UGT1A8: variants seen among roughly 807,000 people sequenced by gnomAD.
The protein encoded by UGT1A8 is UDP glucuronosyltransferase family 1 member A8.
UGT1A8 carries 39 observed loss-of-function variants against 45.3 expected under a neutral mutation model. That is an observed-to-expected ratio of 0.86 (90% CI 0.67 to 1.12). The LOEUF (loss-of-function observed/expected upper bound fraction) is 1.12. Ranked by LOEUF, UGT1A8 falls within the 50% of genes most tolerant of loss-of-function variation. The pLI, the probability that UGT1A8 is intolerant of heterozygous loss-of-function variation, is 0.00. For synonymous variants in UGT1A8, 275 were observed against 249.2 expected, an observed-to-expected ratio of 1.10 and a Z score of -0.97; for missense variants, 719 against 664.9, an observed-to-expected ratio of 1.08 and a Z score of -0.90.
chr2:233,672,170 C>T (rs1161640313), intron 1 of UGT1A8: 1 of 1,614,184 alleles, frequency 6.2e-7, no homozygotes, highest in Non-Finnish European at 8.5e-7. Flanking sequence ...ACTTATTCAA[C>T]TTCATATACC....
intron 1 of UGT1A8, among the ~76,000 whole-genome samples, chr2:233,625,867 C>T (rs1407265749): frequency 3.3e-5 from 5 of 151,828 alleles, no homozygotes; most frequent in Non-Finnish European, 7.4e-5. Flanking sequence ...AGCAATCATG[C>T]CCCAAACATC....
chr2:233,620,389 C>T (rs1184907378), intron 1 of UGT1A8, among the ~76,000 whole-genome samples: 2 of 152,134 alleles, frequency 1.3e-5, no homozygotes, highest in Admixed American at 1.3e-4. Flanking sequence ...ACCCTTTGGC[C>T]GAGTGTGAGG....
chr2:233,765,443 C>A (rs1381375490), intron 1 of UGT1A8, among the ~76,000 whole-genome samples: 1 of 152,114 alleles, frequency 6.6e-6, no homozygotes, highest in Non-Finnish European at 1.5e-5. Flanking sequence ...GGAATGAGAT[C>A]ATATTCTTTG....
At chr2:233,654,436 C>T (rs563733955) in intron 1 of UGT1A8, among the ~76,000 whole-genome samples, 1 of 152,302 alleles carries the variant, frequency 6.6e-6, no homozygotes, top group African/African-American at 2.4e-5. Flanking sequence ...GTAGATATAT[C>T]TCTGTACTCC....
At chr2:233,749,947 C>T (rs1454449200) in intron 1 of UGT1A8, among the ~76,000 whole-genome samples, 4 of 151,812 alleles carry the variant, frequency 2.6e-5, no homozygotes, top group East Asian at 1.9e-4. Context: ...TATGAATTAC[C>T]GAGTCTTGGG....
intron 1 of UGT1A8, chr2:233,761,044 G>A: frequency 1.9e-6 from 3 of 1,614,190 alleles, no homozygotes; most frequent in Non-Finnish European, 2.5e-6. Context: ...CTCTGCATCT[G>A]TCTGGCTGTT....
intron 1 of UGT1A8, chr2:233,692,741 G>A: frequency 9.7e-7 from 1 of 1,033,006 alleles, no homozygotes; most frequent in South Asian, 1.9e-5. Context: ...CAGAGAGGGA[G>A]AAGCAGACTT....
chr2:233,766,145 C>G (rs1400021152), intron 1 of UGT1A8, among the ~76,000 whole-genome samples: 2 of 152,164 alleles, frequency 1.3e-5, no homozygotes, highest in Non-Finnish European at 2.9e-5. Flanking sequence ...CGAATCCCAC[C>G]TGGGCTTGGA....
chr2:233,667,171 G>A (rs1439181402), intron 1 of UGT1A8, among the ~76,000 whole-genome samples: 7 of 152,130 alleles, frequency 4.6e-5, no homozygotes, highest in Non-Finnish European at 1.5e-5. Flanking sequence ...ACCCAGTAAT[G>A]GGATGGCTGG....
intron 1 of UGT1A8, chr2:233,760,671 C>T: frequency 6.2e-7 from 1 of 1,614,146 alleles, no homozygotes; most frequent in Non-Finnish European, 8.5e-7. Context: ...CTGGCTGTTC[C>T]CACTTACTGC....
chr2:233,743,981 G>A, intron 1 of UGT1A8: 4 of 1,297,888 alleles, frequency 3.1e-6, no homozygotes, highest in Non-Finnish European at 3.0e-6. Context: ...CAGCACCCAG[G>A]CGCAGGCCCG....
At chr2:233,698,470 T>A (rs1004128729) in intron 1 of UGT1A8, among the ~76,000 whole-genome samples, 3 of 152,212 alleles carry the variant, frequency 2.0e-5, no homozygotes, top group Non-Finnish European at 4.4e-5. Context: ...AAGCCCTGAT[T>A]TATAGCTTAA....
At chr2:233,728,098 T>G (rs1183146949) in intron 1 of UGT1A8, among the ~76,000 whole-genome samples, 2 of 152,208 alleles carry the variant, frequency 1.3e-5, no homozygotes, top group East Asian at 3.9e-4. Context: ...GAAAGGCACA[T>G]ATTTAATTCT....
At chr2:233,683,523 C>T (rs2074638591) in intron 1 of UGT1A8, among the ~76,000 whole-genome samples, 1 of 152,004 alleles carries the variant, frequency 6.6e-6, no homozygotes, top group African/African-American at 2.4e-5. Flanking sequence ...AGTATGGTTG[C>T]TTGGTTTTCA....
At chr2:233,630,338 G>A (rs1225186688) in intron 1 of UGT1A8, among the ~76,000 whole-genome samples, 3 of 152,096 alleles carry the variant, frequency 2.0e-5, no homozygotes, top group East Asian at 1.9e-4. Flanking sequence ...ATTATACCCC[G>A]AGGTTGTCTG....
intron 1 of UGT1A8, among the ~76,000 whole-genome samples, chr2:233,619,174 AC>A (rs1270187108): frequency 6.6e-6 from 1 of 152,166 alleles, no homozygotes; most frequent in Non-Finnish European, 1.5e-5. Context: ...GTTAAAATAA[AC>A]TTTTATGCTG....
At chr2:233,632,693 C>G (rs1293427127) in intron 1 of UGT1A8, among the ~76,000 whole-genome samples, 2 of 152,150 alleles carry the variant, frequency 1.3e-5, no homozygotes, top group Non-Finnish European at 2.9e-5. Context: ...TAACCTGAGA[C>G]TTTTCTGAAG....
intron 1 of UGT1A8, among the ~76,000 whole-genome samples, chr2:233,695,287 A>T (rs775200577): frequency 6.6e-6 from 1 of 151,766 alleles, no homozygotes; most frequent in Non-Finnish European, 1.5e-5. Context: ...CACCATTCCC[A>T]GCTAATTTTT....
Position 233,767,829 on chromosome 2 carries a change from G to A in UGT1A8, c.988-20G>A. On this transcript the variant is annotated intron_variant, in intron 2 of 4. Coordinates refer to ENST00000373450, the MANE Select transcript of UGT1A8 (RefSeq NM_019076.5). ...ATATTATGTTCTTTCTTTACGTTCT[G>A]CTCTTTTTGCCCCTCCCAGGTCCTG... 6.2e-7 allele frequency: 1 copy of A among 1,614,106 alleles called. No individual in the cohort carries two copies.
Sources: allele counts gnomAD v4.1 joint callset (sites outside exome capture counted in the v4.1 genomes callset), GRCh38; gene constraint gnomAD v4.1.1; transcripts MANE v1.5; gene names NCBI Gene and HGNC (gene_info 2026-07-23, HGNC 2026-07-21).